ZNF423: variants seen among roughly 807,000 people sequenced by gnomAD.
The protein encoded by ZNF423 is zinc finger protein 423.
Under a neutral mutation model 95.8 loss-of-function variants are expected in ZNF423, and 12 were observed. That is an observed-to-expected ratio of 0.13 (90% CI 0.08 to 0.20). The LOEUF (loss-of-function observed/expected upper bound fraction) is 0.20, where lower values mean the gene tolerates loss of function less well. Among genes scored for constraint, ZNF423 ranks in the 10% least tolerant of loss-of-function variants. The pLI, the probability that ZNF423 is intolerant of heterozygous loss-of-function variation, is 1.00. For synonymous variants in ZNF423, 749 were observed against 711.9 expected, an observed-to-expected ratio of 1.05 and a Z score of -0.83; for missense variants, 1,316 against 1,737.1, an observed-to-expected ratio of 0.76 and a Z score of 4.31.
Position 49,492,495 on chromosome 16 carries a change from G to A in ZNF423, c.3850-1191C>T, listed in dbSNP as rs1276313308. 6.6e-6 allele frequency among the ~76,000 whole-genome samples: 1 copy of A among 152,074 alleles called. No individual in the cohort carries two copies. The highest frequency in any genetic ancestry group is 2.4e-5 in the African/African-American group (1 of 41,422). Reference sequence around the variant, plus strand: ...CGAGGCCGGGGCCGGGGCCGGGGCCGGGGCCGAGACGGGCCACTCCTGCTC... The same window carrying A: ...CGAGGCCGGGGCCGGGGCCGGGGCCAGGGCCGAGACGGGCCACTCCTGCTC... On this transcript the variant is annotated intron_variant, in intron 7 of 7. Coordinates refer to ENST00000563137, the MANE Select transcript of ZNF423 (RefSeq NM_001379286.1). This position sits in a 1 kb window ranked among gnomAD's most constrained non-coding sequence, Gnocchi z 4.2.
At chr16:49,735,546 C>T (rs2033265155) in intron 2 of ZNF423, among the ~76,000 whole-genome samples, 1 of 152,216 alleles carries the variant, frequency 6.6e-6, no homozygotes, top group Admixed American at 6.5e-5. Flanking sequence ...CACAGTCCCC[C>T]TCGGGGCTGG....
intron 1 of ZNF423, among the ~76,000 whole-genome samples, chr16:49,815,866 C>CAA (rs748352861): frequency 2.6e-4 from 15 of 57,898 alleles, no homozygotes; most frequent in South Asian, 1.7e-3. Flanking sequence ...TAATTCCAAA[C>CAA]AAACAAAAAA....
intron 7 of ZNF423, among the ~76,000 whole-genome samples, chr16:49,491,534 T>C (rs990162199): frequency 6.9e-6 from 1 of 144,728 alleles, no homozygotes; most frequent in African/African-American, 2.6e-5. Flanking sequence ...CTATATGTTG[T>C]TTTTTGGCTT....
chr16:49,797,039 G>C (rs1328582205), intron 1 of ZNF423, among the ~76,000 whole-genome samples: 1 of 152,072 alleles, frequency 6.6e-6, no homozygotes, highest in Non-Finnish European at 1.5e-5. Flanking sequence ...CCCTGTCCCA[G>C]CAGAGGTGGT....
At position 49,659,415 on chromosome 16, in the gene ZNF423, G is replaced by A. The variant is rs565424563; in HGVS notation, c.302-20541C>T. 5.3e-5 allele frequency among the ~76,000 whole-genome samples: 8 copies of A among 152,308 alleles called. No homozygotes were observed. The East Asian group carries it at 1.4e-3, about 26-fold the overall frequency. ...CCGTTTTACTATTTAATGCATTTAA[G>A]CCACACATAATCCTTTCACTAGACC... On this transcript the variant is annotated intron_variant, in intron 3 of 7. Coordinates refer to ENST00000563137, the MANE Select transcript of ZNF423 (RefSeq NM_001379286.1).
rs57182010 is a variant in ZNF423 at position 49,731,662 on chromosome 16, A to AT, written c.101-692dup. 6.5e-4 allele frequency among the ~76,000 whole-genome samples: 99 copies of AT among 151,520 alleles called. 1 individual carries two copies. In the South Asian group the frequency reaches 8.7e-3, roughly 13 times the overall value. On this transcript the variant is annotated intron_variant, in intron 2 of 7. Transcript: ENST00000563137. ...ACTCTATCTCTACAAAAAAAAAAAA[A>AT]TTTTTTTTTAATTAGCCTGGTATAG... is the stretch of plus-strand genomic sequence containing the variant.
intron 3 of ZNF423, among the ~76,000 whole-genome samples, chr16:49,704,988 C>T (rs2032304273): frequency 1.3e-5 from 2 of 152,212 alleles, no homozygotes; most frequent in South Asian, 2.1e-4. Context: ...CCACCCTTTG[C>T]ACCCACTCCT....
At chr16:49,650,951 C>A (rs533770225) in intron 3 of ZNF423, among the ~76,000 whole-genome samples, 1 of 152,216 alleles carries the variant, frequency 6.6e-6, no homozygotes, top group African/African-American at 2.4e-5. Context: ...AAAATGCCAA[C>A]ATTTACAAAT....
At chr16:49,518,671 T>C in intron 7 of ZNF423, 1 of 371,534 alleles carries the variant, frequency 2.7e-6, no homozygotes. Context: ...TCTATGGCGA[T>C]ATATTTTTAC....
intron 2 of ZNF423, among the ~76,000 whole-genome samples, chr16:49,773,884 A>G (rs1385092350): frequency 6.6e-6 from 1 of 152,222 alleles, no homozygotes; most frequent in Non-Finnish European, 1.5e-5. Flanking sequence ...TGACAACCAC[A>G]TGGGCCTTGG....
chr16:49,593,035 TC>T (rs1295077533), intron 5 of ZNF423, among the ~76,000 whole-genome samples: 1 of 152,106 alleles, frequency 6.6e-6, no homozygotes, highest in Non-Finnish European at 1.5e-5. Flanking sequence ...AAATACCTGA[TC>T]AAGATGGATT....
At chr16:49,533,631 C>T (rs1043629278) in intron 5 of ZNF423, among the ~76,000 whole-genome samples, 4 of 152,214 alleles carry the variant, frequency 2.6e-5, no homozygotes, top group East Asian at 1.9e-4. Flanking sequence ...GACAGCTCAG[C>T]GGACGGCCCC....
At chr16:49,644,884 G>A (rs1057370735) in intron 3 of ZNF423, among the ~76,000 whole-genome samples, 1 of 152,052 alleles carries the variant, frequency 6.6e-6, no homozygotes, top group Non-Finnish European at 1.5e-5. Flanking sequence ...GAGCAAGAAA[G>A]GCACCAGTGG....
At chr16:49,564,320 A>G (rs949555928) in intron 5 of ZNF423, among the ~76,000 whole-genome samples, 5 of 151,374 alleles carry the variant, frequency 3.3e-5, no homozygotes, top group Non-Finnish European at 7.4e-5. Flanking sequence ...GTACATATCA[A>G]AAAAAAAAGA....
intron 1 of ZNF423, among the ~76,000 whole-genome samples, chr16:49,846,706 T>A (rs557776924): frequency 7.2e-5 from 11 of 152,218 alleles, no homozygotes; most frequent in South Asian, 4.2e-4. Flanking sequence ...CTGCTTCTCC[T>A]CCCTCTCCCT....
At chr16:49,829,076 T>G (rs1263816789) in intron 1 of ZNF423, among the ~76,000 whole-genome samples, 3 of 152,166 alleles carry the variant, frequency 2.0e-5, no homozygotes, top group Non-Finnish European at 4.4e-5. Flanking sequence ...AGCACCCATA[T>G]CATGTGGCTG....
intron 2 of ZNF423, among the ~76,000 whole-genome samples, chr16:49,737,306 G>T (rs2033310694): frequency 6.6e-6 from 1 of 150,754 alleles, no homozygotes; most frequent in Non-Finnish European, 1.5e-5. Context: ...GTTTCACTCT[G>T]TCACCCAGGC....
At chr16:49,650,522 C>T (rs975780637) in intron 3 of ZNF423, among the ~76,000 whole-genome samples, 1 of 152,202 alleles carries the variant, frequency 6.6e-6, no homozygotes, top group Non-Finnish European at 1.5e-5. Context: ...CGCAGCACCT[C>T]ACACCCATTA....
intron 1 of ZNF423, among the ~76,000 whole-genome samples, chr16:49,829,975 T>C (rs1597047883): frequency 6.6e-6 from 1 of 151,976 alleles, no homozygotes; most frequent in Non-Finnish European, 1.5e-5. Flanking sequence ...GACACAAGAG[T>C]GGGCAAGTCA....
Sources: gnomAD v4.1 joint callset for allele counts (sites outside exome capture counted in the v4.1 genomes callset) on GRCh38, gnomAD v4.1.1 for gene constraint, Gnocchi (gnomAD v3.1) non-coding constraint, MANE v1.5 for transcripts, NCBI Gene and HGNC (gene_info 2026-07-23, HGNC 2026-07-21) for gene names.